SGCZ: variants seen among roughly 807,000 people sequenced by gnomAD.
The protein encoded by SGCZ is zeta-sarcoglycan.
SGCZ carries 40 observed loss-of-function variants against 41.3 expected under a neutral mutation model. The ratio of observed to expected loss-of-function variants is 0.97; its 90% CI spans 0.75 to 1.26. The LOEUF (loss-of-function observed/expected upper bound fraction) is 1.26, where lower values mean the gene tolerates loss of function less well. Among genes scored for constraint, SGCZ ranks in the 50% most tolerant of loss-of-function variants. The pLI is 0.00. For missense variants in SGCZ, 552 were observed against 369.8 expected, an observed-to-expected ratio of 1.49 and a Z score of -4.04; for synonymous variants, 206 against 137.5, an observed-to-expected ratio of 1.50 and a Z score of -3.49.
intron 2 of SGCZ, among the ~76,000 whole-genome samples, chr8:14,519,284 G>A (rs1018446242): frequency 2.6e-5 from 4 of 152,090 alleles, no homozygotes; most frequent in African/African-American, 7.2e-5. Flanking sequence ...GTATCAAAAT[G>A]GATCTCCTTC....
intron 4 of SGCZ, among the ~76,000 whole-genome samples, chr8:14,230,911 A>G (rs186887751): frequency 6.6e-6 from 1 of 152,132 alleles, no homozygotes; most frequent in Admixed American, 6.6e-5. Context: ...AAAGGAATAT[A>G]GTTTCCCTTA....
chr8:14,103,439 C>T (rs745708421), intron 6 of SGCZ, among the ~76,000 whole-genome samples: 65 of 152,192 alleles, frequency 4.3e-4, no homozygotes, highest in Middle Eastern at 3.4e-3. Flanking sequence ...AGGGTCCCCT[C>T]GGGCTCACAT....
At chr8:15,040,272 A>G (rs1363287683) in intron 1 of SGCZ, among the ~76,000 whole-genome samples, 1 of 152,206 alleles carries the variant, frequency 6.6e-6, no homozygotes, top group Non-Finnish European at 1.5e-5. Flanking sequence ...GTAGGAATAT[A>G]TCATACATGA....
At chr8:15,236,407 G>A (rs1802119802) in intron 1 of SGCZ, among the ~76,000 whole-genome samples, 1 of 151,328 alleles carries the variant, frequency 6.6e-6, no homozygotes, top group Non-Finnish European at 1.5e-5. Context: ...GACATTTCAG[G>A]GCAAACCTCT....
chr8:14,948,471 TGAGA>T (rs143082015), intron 1 of SGCZ, among the ~76,000 whole-genome samples: 97 of 147,892 alleles, frequency 6.6e-4, no homozygotes, highest in African/African-American at 2.3e-3. Context: ...TCTTATCTTA[TGAGA>T]GAGAGAGAGA....
At chr8:15,154,910 CA>C in intron 1 of SGCZ, among the ~76,000 whole-genome samples, 1 of 152,230 alleles carries the variant, frequency 6.6e-6, no homozygotes, top group South Asian at 2.1e-4. Flanking sequence ...TGTTCTACAG[CA>C]GTGTAGGGTA....
At position 15,191,372 on chromosome 8, in the gene SGCZ, T is replaced by C. The variant is rs187981386; in HGVS notation, c.39+46213A>G. Reference sequence around the variant, plus strand: ...ACCAGGCAGGTAAACTTGTAACAAATGATGTAGAAAATATATTTGACCAAG... The same window carrying C: ...ACCAGGCAGGTAAACTTGTAACAAACGATGTAGAAAATATATTTGACCAAG... On this transcript the variant is annotated intron_variant, in intron 1 of 7. Transcript: ENST00000382080. 5.8e-4 allele frequency among the ~76,000 whole-genome samples: 88 copies of C among 152,228 alleles called. 1 individual carries two copies. Among genetic ancestry groups the C allele is most frequent in the Admixed American group, 1.8e-3 (27 of 15,296 alleles).
chr8:14,562,318 T>C (rs569440408), intron 1 of SGCZ, among the ~76,000 whole-genome samples: 29 of 152,234 alleles, frequency 1.9e-4, no homozygotes, highest in African/African-American at 6.3e-4. Context: ...GTGAAAACTA[T>C]TGGAAGGTAG....
At chr8:14,094,154 T>TA (rs1237155728) in intron 7 of SGCZ, among the ~76,000 whole-genome samples, 11 of 152,156 alleles carry the variant, frequency 7.2e-5, no homozygotes, top group African/African-American at 2.7e-4. Context: ...AAGATTTTTT[T>TA]AACTATACTT....
At chr8:14,551,514 TA>T in intron 2 of SGCZ, among the ~76,000 whole-genome samples, 1 of 11,660 alleles carries the variant, frequency 8.6e-5, no homozygotes, top group Non-Finnish European at 1.4e-4. Flanking sequence ...ATATTATATA[TA>T]TTATATATAA....
At chr8:15,047,867 C>T (rs868639565) in intron 1 of SGCZ, among the ~76,000 whole-genome samples, 1 of 151,934 alleles carries the variant, frequency 6.6e-6, no homozygotes, top group Admixed American at 6.6e-5. Flanking sequence ...AGAAAATGTA[C>T]ACTAGTACAC....
intron 5 of SGCZ, among the ~76,000 whole-genome samples, chr8:14,141,394 A>G (rs928685305): frequency 2.0e-5 from 3 of 152,168 alleles, no homozygotes; most frequent in Non-Finnish European, 4.4e-5. Flanking sequence ...TACAGAATGG[A>G]AGAAAATTTC....
At chr8:15,097,904 ATATATACGTGTG>A (rs1806443104) in intron 1 of SGCZ, among the ~76,000 whole-genome samples, 1 of 127,568 alleles carries the variant, frequency 7.8e-6, no homozygotes, top group Non-Finnish European at 1.7e-5. Flanking sequence ...ATATATATAT[ATATATACGTGTG>A]TATATATATA....
chr8:14,413,403 G>C (rs557053042), intron 2 of SGCZ, among the ~76,000 whole-genome samples: 5 of 151,674 alleles, frequency 3.3e-5, no homozygotes, highest in Admixed American at 6.6e-5. Flanking sequence ...TTTTTTTGTT[G>C]CTTTATTCTC....
intron 1 of SGCZ, among the ~76,000 whole-genome samples, chr8:14,839,368 G>T (rs532599096): frequency 1.3e-5 from 2 of 152,124 alleles, no homozygotes; most frequent in Non-Finnish European, 2.9e-5. Context: ...GCATACATGA[G>T]AACCTGTGTT....
chr8:14,860,406 A>T (rs1803684115), intron 1 of SGCZ, among the ~76,000 whole-genome samples: 1 of 151,696 alleles, frequency 6.6e-6, no homozygotes, highest in South Asian at 2.1e-4. Context: ...ACTTCAGAAG[A>T]CAGGAAGTGA....
chr8:15,194,561 A>C (rs112611389), intron 1 of SGCZ, among the ~76,000 whole-genome samples: 6 of 152,286 alleles, frequency 3.9e-5, no homozygotes, highest in African/African-American at 1.4e-4. Flanking sequence ...CAAGTGGGCC[A>C]ATGGAATCAC....
At chr8:14,417,823 C>T (rs1799536623) in intron 2 of SGCZ, among the ~76,000 whole-genome samples, 1 of 151,602 alleles carries the variant, frequency 6.6e-6, no homozygotes, top group Non-Finnish European at 1.5e-5. Context: ...TGAAATATCA[C>T]ATTATACAAC....
At chr8:14,895,730 A>AT (rs1338607967) in intron 1 of SGCZ, among the ~76,000 whole-genome samples, 15 of 152,330 alleles carry the variant, frequency 9.8e-5, no homozygotes, top group Admixed American at 9.2e-4. Flanking sequence ...CGAATGTGTG[A>AT]TAAGTCTCGA....
Sources: gnomAD v4.1 joint callset for allele counts (sites outside exome capture counted in the v4.1 genomes callset) on GRCh38, gnomAD v4.1.1 for gene constraint, MANE v1.5 for transcripts, NCBI Gene and HGNC (gene_info 2026-07-23, HGNC 2026-07-21) for gene names.